The following CNTN5 variants were observed in gnomAD, a reference collection of about 807,000 sequenced individuals.
The protein encoded by CNTN5 is contactin-5.
In CNTN5, 77 loss-of-function variants were observed where a neutral mutation model predicts 129.1. That is an observed-to-expected ratio of 0.60 (90% CI 0.50 to 0.72). The LOEUF (loss-of-function observed/expected upper bound fraction) is 0.72, where lower values mean the gene tolerates loss of function less well. Ranked by LOEUF, CNTN5 falls within the 30% of genes least tolerant of loss-of-function variation. The probability of loss-of-function intolerance (pLI) is 0.00; values close to 1 mark genes in which losing one functional copy is unlikely to be tolerated. For synonymous variants in CNTN5, 509 were observed against 465.6 expected, an observed-to-expected ratio of 1.09 and a Z score of -1.20; for missense variants, 1,478 against 1,328.8, an observed-to-expected ratio of 1.11 and a Z score of -1.75.
intron 23 of CNTN5, among the ~76,000 whole-genome samples, chr11:100,342,160 C>CACACACACACAA (rs941576393): frequency 2.0e-5 from 3 of 150,844 alleles, no homozygotes; most frequent in Admixed American, 6.6e-5. Context: ...CAGACACACA[C>CACACACACACAA]ACACACACAC....
At chr11:100,228,333 T>C (rs996712215) in intron 16 of CNTN5, among the ~76,000 whole-genome samples, 3 of 152,194 alleles carry the variant, frequency 2.0e-5, no homozygotes, top group Non-Finnish European at 2.9e-5. Flanking sequence ...AATAGTTGAA[T>C]TTGAAACGAA....
intron 1 of CNTN5, among the ~76,000 whole-genome samples, chr11:99,041,365 G>C (rs778558707): frequency 1.3e-4 from 20 of 151,958 alleles, no homozygotes; most frequent in Non-Finnish European, 2.8e-4. Context: ...ATGCAAAGTG[G>C]TACAGTCTTA....
At chr11:99,333,621 T>C (rs538232523) in intron 2 of CNTN5, among the ~76,000 whole-genome samples, 1 of 152,202 alleles carries the variant, frequency 6.6e-6, no homozygotes, top group South Asian at 2.1e-4. Context: ...GCATGTGGAA[T>C]AGAAAATATA....
chr11:100,309,649 T>C (rs990694092), intron 21 of CNTN5: 1 of 983,898 alleles, frequency 1.0e-6, no homozygotes, highest in Non-Finnish European at 1.2e-6. Context: ...CAGCAAATGA[T>C]AATATATATA....
chr11:99,037,927 A>T (rs1036471643), intron 1 of CNTN5, among the ~76,000 whole-genome samples: 4 of 152,108 alleles, frequency 2.6e-5, no homozygotes, highest in Admixed American at 6.6e-5. Context: ...AGGATAAGAA[A>T]GTGTTTTGAT....
intron 2 of CNTN5, among the ~76,000 whole-genome samples, chr11:99,546,691 A>AC (rs1948303912): frequency 6.6e-6 from 1 of 152,140 alleles, no homozygotes; most frequent in African/African-American, 2.4e-5. Context: ...GGTGTTTTTA[A>AC]TAAAATTCAC....
chr11:99,239,916 G>T (rs1048050019), intron 1 of CNTN5, among the ~76,000 whole-genome samples: 11 of 139,114 alleles, frequency 7.9e-5, no homozygotes, highest in African/African-American at 3.0e-4. Context: ...CAGCCTGGGC[G>T]ACAGAGCGAG....
intron 23 of CNTN5, among the ~76,000 whole-genome samples, chr11:100,346,504 C>G (rs1351055250): frequency 6.6e-6 from 1 of 152,124 alleles, no homozygotes; most frequent in Non-Finnish European, 1.5e-5. Flanking sequence ...TTCACTTCAG[C>G]AAATGTCCCC....
At chr11:99,307,668 T>A (rs1049909471) in intron 1 of CNTN5, among the ~76,000 whole-genome samples, 4 of 152,162 alleles carry the variant, frequency 2.6e-5, no homozygotes, top group African/African-American at 9.7e-5. Flanking sequence ...TGACAAGCTA[T>A]ATTTTTTCTA....
At chr11:100,294,753 A>C (rs961526596) in intron 18 of CNTN5, among the ~76,000 whole-genome samples, 7 of 151,658 alleles carry the variant, frequency 4.6e-5, no homozygotes, top group African/African-American at 7.2e-5. Flanking sequence ...AGAATTATAG[A>C]ACTTTTACAC....
chr11:99,807,625 C>G (rs1191044576), intron 3 of CNTN5, among the ~76,000 whole-genome samples: 1 of 152,096 alleles, frequency 6.6e-6, no homozygotes, highest in African/African-American at 2.4e-5. Flanking sequence ...AGTAATTCTC[C>G]TGTCTCAGCC....
At chr11:99,591,362 GA>G (rs1949974844) in intron 3 of CNTN5, among the ~76,000 whole-genome samples, 2 of 102,168 alleles carry the variant, frequency 2.0e-5, no homozygotes, top group South Asian at 6.8e-4. Flanking sequence ...TTTTGAGACA[GA>G]ATCTTGCTCT....
intron 9 of CNTN5, among the ~76,000 whole-genome samples, chr11:100,044,182 A>ACAT (rs1490266684): frequency 9.2e-5 from 14 of 151,952 alleles, no homozygotes; most frequent in African/African-American, 3.1e-4. Flanking sequence ...ATATATATAT[A>ACAT]TACGTGATAT....
At chr11:99,623,591 A>G (rs1443592454) in intron 3 of CNTN5, among the ~76,000 whole-genome samples, 1 of 152,148 alleles carries the variant, frequency 6.6e-6, no homozygotes, top group African/African-American at 2.4e-5. Context: ...GAAGAAGGCC[A>G]TATTCTCACC....
intron 13 of CNTN5, among the ~76,000 whole-genome samples, chr11:100,111,726 A>G (rs559914682): frequency 3.9e-5 from 6 of 152,296 alleles, no homozygotes; most frequent in African/African-American, 1.2e-4. Context: ...GCAGTATTGT[A>G]GAGAAGATCT....
intron 3 of CNTN5, chr11:99,558,381 TTTG>T (rs893666861): frequency 1.4e-5 from 4 of 285,650 alleles, no homozygotes; most frequent in Admixed American, 1.3e-4. Context: ...GTGTATGTTT[TTTG>T]TTGTTGTTTT....
At chr11:99,694,422 A>G (rs1173118785) in intron 3 of CNTN5, among the ~76,000 whole-genome samples, 1 of 152,198 alleles carries the variant, frequency 6.6e-6, no homozygotes, top group Non-Finnish European at 1.5e-5. Context: ...TTTACAGAAA[A>G]AAAGTGCTGA....
intron 6 of CNTN5, among the ~76,000 whole-genome samples, chr11:99,850,782 G>A (rs1362060526): frequency 1.3e-5 from 2 of 151,988 alleles, no homozygotes; most frequent in African/African-American, 4.8e-5. Context: ...AGAAAAACAT[G>A]TAAAGGAATC....
chr11:99,699,425 C>T (rs1366537489), intron 3 of CNTN5, among the ~76,000 whole-genome samples: 1 of 151,436 alleles, frequency 6.6e-6, no homozygotes, highest in Non-Finnish European at 1.5e-5. Context: ...ACACACATAT[C>T]TCAAATTTCT....
Sources: allele counts gnomAD v4.1 joint callset (sites outside exome capture counted in the v4.1 genomes callset), GRCh38; gene constraint gnomAD v4.1.1; transcripts MANE v1.5; gene names NCBI Gene and HGNC (gene_info 2026-07-23, HGNC 2026-07-21).